BTAF1: variants seen among roughly 807,000 people sequenced by gnomAD.
BTAF1 encodes the protein TATA-binding protein-associated factor 172.
BTAF1 carries 38 observed loss-of-function variants against 227.1 expected under a neutral mutation model. That is an observed-to-expected ratio of 0.17 (90% CI 0.13 to 0.22). BTAF1 has a LOEUF of 0.22. Among genes scored for constraint, BTAF1 ranks in the 10% least tolerant of loss-of-function variants. The pLI, the probability that BTAF1 is intolerant of heterozygous loss-of-function variation, is 1.00. For missense variants in BTAF1, 1,598 were observed against 2,204.0 expected (o/e 0.73, Z 5.51); for synonymous variants, 742 against 751.9 (o/e 0.99, Z 0.21).
At chr10:91,934,634 G>T (rs1322370263) in intron 1 of BTAF1, among the ~76,000 whole-genome samples, 2 of 152,030 alleles carry the variant, frequency 1.3e-5, no homozygotes, top group Non-Finnish European at 2.9e-5. Flanking sequence ...GACCTTCATG[G>T]TTGCAAGTTC....
chr10:92,008,038 CTG>C (rs1850046906), intron 25 of BTAF1, 83 bp from the exon 26 acceptor site: 1 of 1,237,684 alleles, frequency 8.1e-7, no homozygotes, highest in Non-Finnish European at 1.1e-6. Context: ...ATTCTTTTTT[CTG>C]TGTGTTTGTT....
chr10:92,016,309 TA>T, intron 32 of BTAF1, 30 bp from the exon 33 acceptor site: 2 of 1,576,638 alleles, frequency 1.3e-6, no homozygotes, highest in Non-Finnish European at 1.7e-6. Flanking sequence ...TAAATATACT[TA>T]AAGCTTCTCC....
Position 91,987,250 on chromosome 10 carries a change from G to A in BTAF1, c.2428-1904G>A, listed in dbSNP as rs553085743. On this transcript the variant is annotated intron_variant, in intron 19 of 37. Coordinates refer to ENST00000265990, the MANE Select transcript of BTAF1 (RefSeq NM_003972.3). ...TGTAATCCCAGCACTTTGGGAGGCCGAGGTGGGTGGATCATGAGGTCAGGA... is the reference window on the plus strand; with the variant it reads ...TGTAATCCCAGCACTTTGGGAGGCCAAGGTGGGTGGATCATGAGGTCAGGA... Among the ~76,000 whole-genome samples, 94 of 152,026 alleles carry A rather than the reference G, an allele frequency of 6.2e-4. 3 individuals carry two copies. In the South Asian group the frequency reaches 9.0e-3, roughly 14 times the overall value.
rs577028846 is a variant in BTAF1 at position 91,971,103 on chromosome 10, G to A, written c.1650+4346G>A. Among the ~76,000 whole-genome samples the A allele has an allele frequency of 4.6e-5, 7 of 152,190 alleles. No homozygotes were observed. The South Asian group carries it at 1.5e-3, about 32-fold the overall frequency. ...ATGTTTGTGGTCCTTTTTTGTTGGAGTCTTAATGTTTATTGTGTTTCCTGT... is the reference window on the plus strand; with the variant it reads ...ATGTTTGTGGTCCTTTTTTGTTGGAATCTTAATGTTTATTGTGTTTCCTGT... On this transcript the variant is annotated intron_variant, in intron 14 of 37. Transcript: ENST00000265990.
intron 1 of BTAF1, among the ~76,000 whole-genome samples, chr10:91,934,206 T>C (rs1442095944): frequency 6.6e-6 from 1 of 152,150 alleles, no homozygotes; most frequent in African/African-American, 2.4e-5. Flanking sequence ...TAGTTTGAGG[T>C]CTTAGATTTA....
intron 1 of BTAF1, among the ~76,000 whole-genome samples, chr10:91,929,081 G>A (rs570407238): frequency 6.6e-6 from 1 of 152,130 alleles, no homozygotes; most frequent in Non-Finnish European, 1.5e-5. Context: ...CTAAAGTGCT[G>A]GGATTACTGG....
chr10:91,983,539 G>T (rs150791550), intron 18 of BTAF1, among the ~76,000 whole-genome samples: 6 of 152,312 alleles, frequency 3.9e-5, no homozygotes, highest in African/African-American at 1.4e-4. Flanking sequence ...TGGTGTGCTG[G>T]AGAGGCAGTG....
chr10:91,951,039 T>C (rs1361451621), intron 4 of BTAF1, among the ~76,000 whole-genome samples: 1 of 152,096 alleles, frequency 6.6e-6, no homozygotes, highest in Admixed American at 6.6e-5. Flanking sequence ...TTGTCCAGAC[T>C]GGTCTCAAAC....
chr10:91,988,936 CT>C (rs1848577595), intron 19 of BTAF1, among the ~76,000 whole-genome samples: 1 of 152,062 alleles, frequency 6.6e-6, no homozygotes, highest in African/African-American at 2.4e-5. Context: ...AAGAGAATGT[CT>C]TTCTTAAAGA....
intron 1 of BTAF1, among the ~76,000 whole-genome samples, chr10:91,930,798 A>AT (rs1256302177): frequency 6.6e-6 from 1 of 152,178 alleles, no homozygotes; most frequent in Non-Finnish European, 1.5e-5. Flanking sequence ...TATATTTAAA[A>AT]TTTTACTGTA....
intron 4 of BTAF1, among the ~76,000 whole-genome samples, chr10:91,946,436 C>G (rs748565091): frequency 6.6e-6 from 1 of 152,182 alleles, no homozygotes; most frequent in Non-Finnish European, 1.5e-5. Flanking sequence ...TTTAATTTCC[C>G]TCAGGTAGAT....
At chr10:91,976,012 C>T (rs1847659828) in intron 14 of BTAF1, among the ~76,000 whole-genome samples, 2 of 152,202 alleles carry the variant, frequency 1.3e-5, no homozygotes, top group Non-Finnish European at 2.9e-5. Flanking sequence ...AGAGCTCAGT[C>T]GCACAACAGA....
chr10:91,974,949 A>G (rs1012246998), intron 14 of BTAF1, among the ~76,000 whole-genome samples: 4 of 152,180 alleles, frequency 2.6e-5, no homozygotes, highest in Non-Finnish European at 5.9e-5. Flanking sequence ...AAAGTGAAGG[A>G]ATTTACCATT....
chr10:91,946,864 G>A (rs1259350101), intron 4 of BTAF1, among the ~76,000 whole-genome samples: 1 of 148,824 alleles, frequency 6.7e-6, no homozygotes, highest in East Asian at 2.0e-4. Flanking sequence ...TTTTGAGACA[G>A]AGTCTCACTC....
chr10:91,960,227 C>T (rs1846404272), intron 11 of BTAF1, 73 bp downstream of exon 11: 5 of 1,442,636 alleles, frequency 3.5e-6, no homozygotes, highest in Admixed American at 2.1e-5. Context: ...ACTAATTAGA[C>T]GAAATGGCCG....
Position 92,016,577 on chromosome 10 carries a change from C to T in BTAF1, c.4710+112C>T, listed in dbSNP as rs1009872207. 4 of 878,164 alleles carry T rather than the reference C, an allele frequency of 4.6e-6. No individual in the cohort carries two copies. The African/African-American group carries it at 7.2e-5, about 16-fold the overall frequency. The allele number at this position is 878,164 out of a possible 1,614,324, so 54.4% of individuals were successfully genotyped here. ...CACTGCAACCTCTGCCTCCTGGGTT[C>T]AAGCTATCATGCCTCAGACTCCTGA... On this transcript the variant is annotated intron_variant, in intron 33 of 37. Coordinates refer to ENST00000265990, the MANE Select transcript of BTAF1 (RefSeq NM_003972.3).
At chr10:91,960,354 C>A (rs971506905) in intron 11 of BTAF1, among the ~76,000 whole-genome samples, 200 bp downstream of exon 11, 2 of 152,164 alleles carry the variant, frequency 1.3e-5, no homozygotes, top group Admixed American at 1.3e-4. Flanking sequence ...TGGTTAGTTA[C>A]ATTGTTTGCT....
At chr10:91,973,903 CA>C (rs566022941) in intron 14 of BTAF1, among the ~76,000 whole-genome samples, 369 of 93,906 alleles carry the variant, frequency 3.9e-3, no homozygotes, top group South Asian at 7.9e-3. Context: ...GACTCCGTCT[CA>C]AAAAAAAAAA....
intron 4 of BTAF1, among the ~76,000 whole-genome samples, chr10:91,945,092 GAC>G (rs1030248893): frequency 7.9e-5 from 12 of 152,144 alleles, no homozygotes; most frequent in African/African-American, 2.4e-4. Context: ...ATCACTGAAT[GAC>G]ACATTTCTCG....
Sources: allele counts gnomAD v4.1 joint callset (sites outside exome capture counted in the v4.1 genomes callset), GRCh38; gene constraint gnomAD v4.1.1; transcripts MANE v1.5; gene names NCBI Gene and HGNC (gene_info 2026-07-23, HGNC 2026-07-21).